Variants in OR9Q1 observed in about 807,000 individuals in gnomAD.
The protein encoded by OR9Q1 is olfactory receptor family 9 subfamily Q member 1, also known as olfactory receptor 9Q1.
For missense variants in OR9Q1, 374 were observed against 378.8 expected, an observed-to-expected ratio of 0.99 and a Z score of 0.11; for synonymous variants, 153 against 148.6, an observed-to-expected ratio of 1.03 and a Z score of -0.22.
chr11:58,029,378 CTG>C (rs996392400), intron 1 of OR9Q1, among the ~76,000 whole-genome samples: 3 of 152,096 alleles, frequency 2.0e-5, no homozygotes, highest in African/African-American at 7.2e-5. Context: ...GAAGAGGAAA[CTG>C]GGGTTTCCAA....
At chr11:58,024,283 G>A (rs907672553) in intron 1 of OR9Q1, among the ~76,000 whole-genome samples, 179 bp downstream of exon 1, 4 of 152,094 alleles carry the variant, frequency 2.6e-5, no homozygotes, top group African/African-American at 9.7e-5. Context: ...TTCATCCTGG[G>A]CATCTCCTAG....
At chr11:58,094,113 A>G (rs953070418) in intron 2 of OR9Q1, among the ~76,000 whole-genome samples, 1 of 152,198 alleles carries the variant, frequency 6.6e-6, no homozygotes, top group South Asian at 2.1e-4. Context: ...ACTCAGCCAT[A>G]AAAAGGATGA....
intron 2 of OR9Q1, among the ~76,000 whole-genome samples, chr11:58,100,088 G>A (rs765612279): frequency 1.2e-4 from 18 of 152,122 alleles, no homozygotes; most frequent in African/African-American, 3.6e-4. Flanking sequence ...GCTCTCCCAC[G>A]CCAGGTAGTC....
At chr11:58,172,022 A>G (rs1298513710) in intron 2 of OR9Q1, among the ~76,000 whole-genome samples, 1 of 152,194 alleles carries the variant, frequency 6.6e-6, no homozygotes, top group Non-Finnish European at 1.5e-5. Context: ...TAGAACATTA[A>G]CATTGAGCAA....
At chr11:58,072,297 T>C (rs1239224192) in intron 2 of OR9Q1, 1 of 152,364 alleles carries the variant, frequency 6.6e-6, no homozygotes, top group Non-Finnish European at 1.5e-5. Context: ...TGTATCCATG[T>C]ATTTTTGGAT....
intron 1 of OR9Q1, among the ~76,000 whole-genome samples, chr11:58,052,630 AAAAAAG>A (rs1853277040): frequency 1.6e-5 from 2 of 128,440 alleles, no homozygotes; most frequent in South Asian, 5.5e-4. Flanking sequence ...AAAAAAAAAA[AAAAAAG>A]AAACTACCAT....
chr11:58,155,384 C>G (rs1353005179), intron 2 of OR9Q1, among the ~76,000 whole-genome samples: 1 of 151,984 alleles, frequency 6.6e-6, no homozygotes, highest in South Asian at 2.1e-4. Flanking sequence ...GGCACCGTAG[C>G]GCAGCCAAGT....
intron 2 of OR9Q1, among the ~76,000 whole-genome samples, chr11:58,126,977 G>GTCC (rs1266526670): frequency 6.6e-6 from 1 of 152,138 alleles, no homozygotes. Context: ...TTTCACCAGA[G>GTCC]TCTTGCTCTG....
chr11:58,176,097 T>A (rs148605727), intron 2 of OR9Q1, among the ~76,000 whole-genome samples: 1 of 152,328 alleles, frequency 6.6e-6, no homozygotes, highest in East Asian at 1.9e-4. Context: ...GGTTTCTGTG[T>A]AGGGTACCCA....
At chr11:58,173,495 C>T (rs1023426074) in intron 2 of OR9Q1, among the ~76,000 whole-genome samples, 2 of 151,360 alleles carry the variant, frequency 1.3e-5, no homozygotes, top group Non-Finnish European at 2.9e-5. Flanking sequence ...CATAGTATTC[C>T]ATGGTGTATA....
chr11:58,027,370 A>G (rs992490649), intron 1 of OR9Q1, among the ~76,000 whole-genome samples: 13 of 152,164 alleles, frequency 8.5e-5, no homozygotes, highest in East Asian at 7.7e-4. Flanking sequence ...GTGTGAGTCT[A>G]GGGCAGGGAT....
chr11:58,145,851 A>G (rs1854294961), intron 2 of OR9Q1, among the ~76,000 whole-genome samples: 1 of 152,168 alleles, frequency 6.6e-6, no homozygotes, highest in Non-Finnish European at 1.5e-5. Context: ...TTATATAGTA[A>G]GGGGCAGTCA....
At chr11:58,078,421 T>C (rs1377700279) in intron 2 of OR9Q1, 2 of 152,170 alleles carry the variant, frequency 1.3e-5, no homozygotes. Flanking sequence ...AGGGTGACAT[T>C]TGTTAGGAAG....
intron 2 of OR9Q1, among the ~76,000 whole-genome samples, chr11:58,088,980 G>A (rs1231507850): frequency 6.6e-6 from 1 of 151,592 alleles, no homozygotes; most frequent in Non-Finnish European, 1.5e-5. Context: ...GGGTTCAAGC[G>A]ATTCTCCTGC....
chr11:58,090,978 C>A (rs1459449005), intron 2 of OR9Q1, among the ~76,000 whole-genome samples: 2 of 152,078 alleles, frequency 1.3e-5, no homozygotes, highest in African/African-American at 4.8e-5. Flanking sequence ...TCTGTGGGAT[C>A]GGTGGTGATA....
chr11:58,139,181 T>A (rs1265042274), intron 2 of OR9Q1, among the ~76,000 whole-genome samples: 2 of 152,090 alleles, frequency 1.3e-5, no homozygotes, highest in Non-Finnish European at 2.9e-5. Context: ...GGGGCAAACC[T>A]CTAGCACAAA....
At chr11:58,075,844 C>A (rs1387292167) in intron 2 of OR9Q1, among the ~76,000 whole-genome samples, 1 of 152,132 alleles carries the variant, frequency 6.6e-6, no homozygotes, top group East Asian at 1.9e-4. Context: ...TCAGTGTGAT[C>A]CAGTCTCTTC....
chr11:58,084,260 G>A (rs1019721131), intron 2 of OR9Q1, among the ~76,000 whole-genome samples: 2 of 151,700 alleles, frequency 1.3e-5, no homozygotes, highest in Non-Finnish European at 2.9e-5. Context: ...CTCCTAGCCT[G>A]GATATTATTA....
chr11:58,067,399 T>C (rs2120010461), intron 2 of OR9Q1, among the ~76,000 whole-genome samples: 1 of 152,336 alleles, frequency 6.6e-6, no homozygotes, highest in South Asian at 2.1e-4. Context: ...CTTGGGCAAA[T>C]CACCTTCTCT....
Sources: gnomAD v4.1 joint callset for allele counts (sites outside exome capture counted in the v4.1 genomes callset) on GRCh38, gnomAD v4.1.1 for gene constraint, MANE v1.5 for transcripts, NCBI Gene and HGNC (gene_info 2026-07-23, HGNC 2026-07-21) for gene names.